The following RIOK3 variants were observed in gnomAD, a reference collection of about 807,000 sequenced individuals.
RIOK3 encodes the protein RIO kinase 3, also known as serine/threonine-protein kinase RIO3.
RIOK3 carries 40 observed loss-of-function variants against 63.5 expected under a neutral mutation model. The observed-to-expected ratio is 0.63, with a 90% CI of 0.49 to 0.82. The LOEUF (loss-of-function observed/expected upper bound fraction) is 0.82. Ranked by LOEUF, RIOK3 falls within the 40% of genes least tolerant of loss-of-function variation. The pLI is 0.00. For synonymous variants in RIOK3, 193 were observed against 205.0 expected (o/e 0.94, Z 0.50); for missense variants, 557 against 637.0 (o/e 0.87, Z 1.35).
At chr18:23,480,555 G>GCGCGCACACACA (rs779698307) in intron 12 of RIOK3, among the ~76,000 whole-genome samples, 24 of 142,096 alleles carry the variant, frequency 1.7e-4, no homozygotes, top group East Asian at 1.1e-3. Context: ...TTGGATGCAC[G>GCGCGCACACACA]CACACACACA....
chr18:23,471,540 T>A (rs141919397), intron 7 of RIOK3, among the ~76,000 whole-genome samples: 1 of 152,270 alleles, frequency 6.6e-6, no homozygotes, highest in East Asian at 1.9e-4. Flanking sequence ...AAAAGATTGC[T>A]GTGTGGAAAA....
intron 1 of RIOK3, among the ~76,000 whole-genome samples, chr18:23,454,070 TA>T (rs2057322593): frequency 6.6e-6 from 1 of 152,250 alleles, no homozygotes; most frequent in African/African-American, 2.4e-5. Flanking sequence ...CTTTGACGTT[TA>T]AACTTTTTCA....
rs756342756 is a variant in RIOK3, at chr18:23,467,517, A to G, written c.806A>G (p.Tyr269Cys). 22 of 1,612,866 alleles carry G rather than the reference A, an allele frequency of 1.4e-5. No homozygotes were observed. The South Asian group carries it at 1.7e-4, about 12-fold the overall frequency. The change falls in exon 7 of 13, where the codon TAT (tyrosine) becomes TGT (cysteine). Residue 269 changes from tyrosine to cysteine, a missense_variant. By Grantham distance (194) the Tyr-to-Cys change is radical. Around this residue, in one of 3 missense-constraint regions of RIOK3, gnomAD observed 309 missense variants for 338.7 expected, o/e 0.91. Coordinates refer to ENST00000339486, the MANE Select transcript of RIOK3 (RefSeq NM_003831.5). ...AAGGAGTCTGTTGTCTTTCATGCAT[A>G]TGGAGGGAGGTAAATGAGCAAAATA... ...TGKESVVFHA[Y>C]GGSMEDEKED...
intron 9 of RIOK3, 50 bp downstream of exon 9, chr18:23,475,157 C>T (rs1342927959): frequency 3.4e-6 from 5 of 1,481,476 alleles, no homozygotes; most frequent in Non-Finnish European, 4.6e-6. Flanking sequence ...AAAAATATTT[C>T]CTCTAAACTT....
Position 23,473,505 on chromosome 18 carries a change from G to A in RIOK3, c.892G>A (p.Glu298Lys), listed in dbSNP as rs1311080080. ...CAAGGTATTTAAAACAACCCTTAAT[G>A]AATTTAAGAATCGTGACAAATATAT... The part of the protein sequence containing the change: ...AIKVFKTTLN[E>K]FKNRDKYIKD... The change falls in exon 8 of 13, where the codon GAA becomes AAA. Residue 298 changes from glutamate to lysine, a missense_variant. Transcript: ENST00000339486. 1 of 1,612,066 alleles carries A rather than the reference G, an allele frequency of 6.2e-7. No individual in the cohort carries two copies. The highest frequency in any genetic ancestry group is 1.1e-5 in the South Asian group (1 of 90,978).
intron 9 of RIOK3, among the ~76,000 whole-genome samples, chr18:23,476,200 A>G (rs774613241): frequency 6.6e-6 from 1 of 152,188 alleles, no homozygotes; most frequent in Non-Finnish European, 1.5e-5. Flanking sequence ...GTTGGAAGGC[A>G]TGTTGGGAAT....
chr18:23,470,248 C>T (rs1359825221), intron 7 of RIOK3, among the ~76,000 whole-genome samples: 1 of 152,004 alleles, frequency 6.6e-6, no homozygotes, highest in East Asian at 1.9e-4. Context: ...CATCTGTACT[C>T]CCAGCTACTT....
chr18:23,475,449 T>A (rs2057483358), intron 9 of RIOK3, among the ~76,000 whole-genome samples: 1 of 121,714 alleles, frequency 8.2e-6, no homozygotes, highest in African/African-American at 3.3e-5. Flanking sequence ...GGTGACAGAG[T>A]AAGACTCTGT....
rs955617567 is a variant in RIOK3 at position 23,482,004 on chromosome 18, A to T, written c.*725A>T. On this transcript the variant is annotated 3_prime_UTR_variant, in exon 13 of 13. Transcript: ENST00000339486. ...TCTACATTTAGGTAAAATGGTTAGGATATAACTCATGGTGTGGCTAATCTA... is the reference window on the plus strand; with the variant it reads ...TCTACATTTAGGTAAAATGGTTAGGTTATAACTCATGGTGTGGCTAATCTA... The T allele has an allele frequency of 1.2e-4, 19 of 152,230 alleles. No homozygotes were observed. The highest frequency in any genetic ancestry group is 4.6e-4 in the African/African-American group (19 of 41,466). The allele number at this position is 152,230 out of a possible 1,614,324, so 9.4% of individuals were successfully genotyped here. A position where few individuals can be genotyped will look rare whatever the true frequency, so the allele number is the denominator to read the frequency against.
chr18:23,472,187 T>C (rs1404817957), intron 7 of RIOK3, among the ~76,000 whole-genome samples: 3 of 151,650 alleles, frequency 2.0e-5, no homozygotes, highest in Non-Finnish European at 4.4e-5. Context: ...GAGCCAGGAT[T>C]GCACCACTGT....
chr18:23,455,025 T>TCCTTTCCTTTCTTTCCTTC (rs2057329168), intron 1 of RIOK3, among the ~76,000 whole-genome samples: 1 of 152,014 alleles, frequency 6.6e-6, no homozygotes, highest in Non-Finnish European at 1.5e-5. Context: ...TTCCTTCCTT[T>TCCTTTCCTTTCTTTCCTTC]CCTTTCCTTT....
intron 7 of RIOK3, among the ~76,000 whole-genome samples, chr18:23,470,612 T>C (rs755160178): frequency 2.0e-5 from 3 of 152,168 alleles, no homozygotes; most frequent in Non-Finnish European, 4.4e-5. Flanking sequence ...TAATGTTTAA[T>C]TCTTTAAGAA....
chr18:23,463,973 T>C lies in RIOK3; in HGVS notation c.186T>C (p.Ala62=), dbSNP rs761333982. ...EAAVFPEVAV[A]EGPFITGENI... The stretch of plus-strand genomic sequence containing the variant: ...ATTGCCTTATTTTGAATAGTGTTGC[T>C]GAAGGACCATTTATTACTGGAGAAA... The change falls in exon 3 of 13, where the codon GCT becomes GCC. Residue 62 remains alanine, a synonymous_variant. Transcript: ENST00000339486. The C allele has an allele frequency of 2.2e-5, 35 of 1,604,200 alleles. No homozygotes were observed. In the South Asian group the frequency reaches 3.8e-4, roughly 18 times the overall value.
Position 23,477,190 on chromosome 18 carries a change from C to A in RIOK3, c.1266C>A (p.Ile422=), listed in dbSNP as rs779645778. Residue 422 remains isoleucine, a synonymous_variant, in exon 11 of 13, where the codon ATC becomes ATA. Coordinates refer to ENST00000339486, the MANE Select transcript of RIOK3 (RefSeq NM_003831.5). ...MLWHAGKVWL[I]DVSQSVEPTH... ...CTGTATTGAAATAGGTCTGGTTGATCGATGTCAGTCAGTCAGTAGAACCTA... is the reference window on the plus strand; with the variant it reads ...CTGTATTGAAATAGGTCTGGTTGATAGATGTCAGTCAGTCAGTAGAACCTA... The A allele has an allele frequency of 6.2e-7, 1 of 1,613,886 alleles. No individual in the cohort carries two copies. Among genetic ancestry groups the A allele is most frequent in the South Asian group, 1.1e-5 (1 of 91,062 alleles).
rs182464260 is a variant in RIOK3, at chr18:23,457,426, C to T, written c.63+3924C>T. Reference sequence around the variant, plus strand: ...AAGGAGACGTGGCAACTAAATGTAACGTGGTATTTTGAATGGGATCCTGGA... The same window carrying T: ...AAGGAGACGTGGCAACTAAATGTAATGTGGTATTTTGAATGGGATCCTGGA... On this transcript the variant is annotated intron_variant, in intron 1 of 12. Coordinates refer to ENST00000339486, the MANE Select transcript of RIOK3 (RefSeq NM_003831.5). Among the ~76,000 whole-genome samples, 66 of 152,172 alleles carry T rather than the reference C, an allele frequency of 4.3e-4. 1 individual carries two copies. The highest frequency in any genetic ancestry group is 3.7e-3 in the East Asian group (19 of 5,186).
rs903854471 is a variant in RIOK3, at chr18:23,482,446, G to C, written c.*1167G>C. Reference sequence around the variant, plus strand: ...AATCGCTTGAACCCGGGAGGCAGAGGTTGCAGTGAGCTGAGATCATGCCAC... The same window carrying C: ...AATCGCTTGAACCCGGGAGGCAGAGCTTGCAGTGAGCTGAGATCATGCCAC... On this transcript the variant is annotated 3_prime_UTR_variant, in exon 13 of 13. Transcript: ENST00000339486. 2 of 151,876 alleles carry C rather than the reference G, an allele frequency of 1.3e-5. No individual in the cohort carries two copies. Among genetic ancestry groups the C allele is most frequent in the African/African-American group, 4.8e-5 (2 of 41,296 alleles). 9.4% of individuals were successfully genotyped at this position (151,876 alleles called of 1,614,324 possible).
intron 4 of RIOK3, 27 bp from the exon 5 acceptor site, chr18:23,464,492 T>C (rs1246358621): frequency 1.4e-6 from 2 of 1,457,274 alleles, no homozygotes; most frequent in Non-Finnish European, 1.9e-6. Context: ...TATTTTTATA[T>C]ACCTGGCTTA....
intron 9 of RIOK3, 45 bp from the exon 10 acceptor site, chr18:23,476,961 C>T (rs2057495156): frequency 1.3e-6 from 2 of 1,484,850 alleles, no homozygotes; most frequent in East Asian, 2.3e-5. Context: ...ATCAATAATA[C>T]CACTTAATTA....
chr18:23,455,662 T>A (rs1191533108), intron 1 of RIOK3, among the ~76,000 whole-genome samples: 1 of 151,772 alleles, frequency 6.6e-6, no homozygotes, highest in African/African-American at 2.4e-5. Flanking sequence ...CTTTTTTAAT[T>A]GAGACAGGGT....
Sources: gnomAD v4.1 joint callset for allele counts (sites outside exome capture counted in the v4.1 genomes callset) on GRCh38, gnomAD v4.1.1 for gene constraint, gnomAD v4.1.1 regional missense constraint, MANE v1.5 for transcripts, NCBI Gene and HGNC (gene_info 2026-07-23, HGNC 2026-07-21) for gene names.